DYNLRB2: variants seen among roughly 807,000 people sequenced by gnomAD.
DYNLRB2 encodes bithoraxoid-like protein.
In DYNLRB2, 14 loss-of-function variants were observed where a neutral mutation model predicts 12.6. The observed-to-expected ratio is 1.11, with a 90% CI of 0.73 to 1.73. The LOEUF (loss-of-function observed/expected upper bound fraction) is 1.73. DYNLRB2 is among the 40% of genes most tolerant of loss of function. The pLI is 0.00. For missense variants in DYNLRB2, 142 were observed against 117.7 expected, an observed-to-expected ratio of 1.21 and a Z score of -0.95; for synonymous variants, 53 against 37.0, an observed-to-expected ratio of 1.43 and a Z score of -1.57.
intron 2 of DYNLRB2, 146 bp downstream of exon 2, chr16:80,543,497 C>T: frequency 1.4e-6 from 1 of 734,378 alleles, no homozygotes; most frequent in South Asian, 1.9e-5. Context: ...TACCAAACAT[C>T]TATTGAGTAT....
chr16:80,547,415 CCAAGCAAGAGTT>C (rs1904541408), intron 2 of DYNLRB2, among the ~76,000 whole-genome samples: 1 of 152,036 alleles, frequency 6.6e-6, no homozygotes, highest in Admixed American at 6.5e-5. Flanking sequence ...TCACATGGTG[CCAAGCAAGAGTT>C]CAATAAATAT....
intron 2 of DYNLRB2, among the ~76,000 whole-genome samples, chr16:80,544,390 A>C (rs1362271743): frequency 6.6e-6 from 1 of 152,238 alleles, no homozygotes; most frequent in African/African-American, 2.4e-5. Flanking sequence ...CTCAAGGCCA[A>C]ATGAGTGAGA....
At chr16:80,548,740 A>T (rs1408498899) in intron 2 of DYNLRB2, among the ~76,000 whole-genome samples, 1 of 148,734 alleles carries the variant, frequency 6.7e-6, no homozygotes, top group Non-Finnish European at 1.5e-5. Flanking sequence ...AAAAAAAAAA[A>T]AATAGAGCAC....
intron 2 of DYNLRB2, among the ~76,000 whole-genome samples, chr16:80,546,953 T>C (rs1904504723): frequency 6.6e-6 from 1 of 152,216 alleles, no homozygotes; most frequent in African/African-American, 2.4e-5. Context: ...GATTTTAGAA[T>C]GCACATGCTC....
At chr16:80,548,005 G>A in intron 2 of DYNLRB2, 1 of 341,264 alleles carries the variant, frequency 2.9e-6, no homozygotes. Context: ...TGAAAACCTG[G>A]TAAAATCCTA....
chr16:80,549,709 C>A, intron 3 of DYNLRB2, 58 bp downstream of exon 3: 3 of 1,503,120 alleles, frequency 2.0e-6, no homozygotes, highest in Non-Finnish European at 2.7e-6. Context: ...AGATTAAAAG[C>A]CTTGTTTCTA....
intron 2 of DYNLRB2, among the ~76,000 whole-genome samples, chr16:80,546,480 G>C (rs1467764088): frequency 6.6e-6 from 1 of 152,158 alleles, no homozygotes; most frequent in Non-Finnish European, 1.5e-5. Context: ...TTTATATATA[G>C]TCCTTCGGTT....
intron 2 of DYNLRB2, among the ~76,000 whole-genome samples, chr16:80,546,250 C>T (rs893371716): frequency 6.6e-5 from 10 of 152,196 alleles, no homozygotes; most frequent in African/African-American, 2.2e-4. Flanking sequence ...ATGAAAGCAT[C>T]ATTTATTTCA....
intron 2 of DYNLRB2, among the ~76,000 whole-genome samples, chr16:80,545,705 T>A (rs1429208531): frequency 7.3e-6 from 1 of 137,074 alleles, no homozygotes; most frequent in Non-Finnish European, 1.5e-5. Context: ...TCTCTCTCTG[T>A]CATCCAGGCT....
intron 1 of DYNLRB2, chr16:80,541,347 T>C (rs965495971): frequency 2.0e-6 from 2 of 983,784 alleles, no homozygotes; most frequent in Non-Finnish European, 1.2e-6. Flanking sequence ...AAGAGAGAGA[T>C]TCAGAGGATG....
chr16:80,541,144 AC>A, intron 1 of DYNLRB2, 65 bp downstream of exon 1: 1 of 1,561,238 alleles, frequency 6.4e-7, no homozygotes. Context: ...GGACCTTCGC[AC>A]CCAGCTTCTG....
At chr16:80,546,148 T>C (rs1463232253) in intron 2 of DYNLRB2, among the ~76,000 whole-genome samples, 2 of 152,202 alleles carry the variant, frequency 1.3e-5, no homozygotes. Context: ...AACCAGAGTA[T>C]ATAACAAGGG....
At chr16:80,540,912 G>A (rs1909282339), upstream of DYNLRB2, 3 of 1,298,366 alleles carry the variant, frequency 2.3e-6, no homozygotes, top group Non-Finnish European at 3.3e-6. Flanking sequence ...GGAGGCATCA[G>A]GAGCGCGGTC....
At chr16:80,545,863 A>G (rs1367885405) in intron 2 of DYNLRB2, among the ~76,000 whole-genome samples, 1 of 137,024 alleles carries the variant, frequency 7.3e-6, no homozygotes, top group Admixed American at 7.2e-5. Context: ...TTTTTTTTTT[A>G]GTAGAGATGG....
At chr16:80,547,404 C>T (rs944028167) in intron 2 of DYNLRB2, among the ~76,000 whole-genome samples, 5 of 152,080 alleles carry the variant, frequency 3.3e-5, no homozygotes, top group East Asian at 1.9e-4. Context: ...TTTTAATTAC[C>T]TCACATGGTG....
chr16:80,546,435 C>A (rs1904472420), intron 2 of DYNLRB2, among the ~76,000 whole-genome samples: 1 of 152,184 alleles, frequency 6.6e-6, no homozygotes, highest in South Asian at 2.1e-4. Context: ...CAGACTTCTA[C>A]CATGCTTATT....
chr16:80,546,524 G>A (rs1243201503), intron 2 of DYNLRB2, among the ~76,000 whole-genome samples: 1 of 152,100 alleles, frequency 6.6e-6, no homozygotes, highest in African/African-American at 2.4e-5. Context: ...TCCTATTGAT[G>A]ACCGTAAAGT....
At position 80,549,503 on chromosome 16, in the gene DYNLRB2, C is replaced by T. The variant is rs1393199734; in HGVS notation, c.99C>T (p.Thr33=). The T allele has an allele frequency of 5.0e-6, 8 of 1,609,408 alleles. No individual in the cohort carries two copies. Among genetic ancestry groups the T allele is most frequent in the East Asian group, 2.2e-5 (1 of 44,804 alleles). ...TAATAGGTATTCCCATCCGAACAAC[C>T]TTGGACAACTCAACAACTGTTCAAT... ...VNAEGIPIRT[T]LDNSTTVQYA... Residue 33 remains threonine, a synonymous_variant, in exon 3 of 4, where the codon ACC becomes ACT. Transcript: ENST00000305904.
At chr16:80,550,231 C>G (rs545990198) in intron 3 of DYNLRB2, among the ~76,000 whole-genome samples, 1 of 152,308 alleles carries the variant, frequency 6.6e-6, no homozygotes, top group African/African-American at 2.4e-5. Flanking sequence ...TTTCCTACAC[C>G]AGTGTCCTCA....
Sources: gnomAD v4.1 joint callset for allele counts (sites outside exome capture counted in the v4.1 genomes callset) on GRCh38, gnomAD v4.1.1 for gene constraint, MANE v1.5 for transcripts, NCBI Gene and HGNC (gene_info 2026-07-23, HGNC 2026-07-21) for gene names.